The following LMBRD1 variants were observed in gnomAD, a reference collection of about 807,000 sequenced individuals.
The protein encoded by LMBRD1 is lysosomal cobalamin transport escort protein LMBD1.
LMBRD1 carries 64 observed loss-of-function variants against 74.8 expected under a neutral mutation model. That is an observed-to-expected ratio of 0.86 (90% CI 0.70 to 1.05). The LOEUF (loss-of-function observed/expected upper bound fraction) is 1.05, where lower values mean the gene tolerates loss of function less well. LMBRD1 is among the 50% of genes least tolerant of loss of function. The pLI is 0.00. For synonymous variants in LMBRD1, 204 were observed against 216.3 expected, an observed-to-expected ratio of 0.94 and a Z score of 0.50; for missense variants, 652 against 645.9, an observed-to-expected ratio of 1.01 and a Z score of -0.10.
chr6:69,767,090 T>C (rs1765487637), intron 3 of LMBRD1, among the ~76,000 whole-genome samples: 1 of 151,742 alleles, frequency 6.6e-6, no homozygotes, highest in Non-Finnish European at 1.5e-5. Context: ...TATATCCTTT[T>C]TCTCTCTCTC....
chr6:69,756,229 G>A (rs556283035), intron 3 of LMBRD1, among the ~76,000 whole-genome samples: 14 of 152,172 alleles, frequency 9.2e-5, no homozygotes, highest in African/African-American at 3.1e-4. Flanking sequence ...CAGGCATGGT[G>A]GCAAGCACCC....
At chr6:69,720,096 T>C (rs915109494) in intron 7 of LMBRD1, among the ~76,000 whole-genome samples, 1 of 152,216 alleles carries the variant, frequency 6.6e-6, no homozygotes, top group Non-Finnish European at 1.5e-5. Context: ...TATTCTTCAC[T>C]AAATCTCTTT....
At chr6:69,683,749 G>A (rs866394366) in intron 14 of LMBRD1, among the ~76,000 whole-genome samples, 7 of 151,594 alleles carry the variant, frequency 4.6e-5, no homozygotes, top group African/African-American at 1.2e-4. Context: ...CCTCATTACT[G>A]TTCTAGTATA....
intron 3 of LMBRD1, among the ~76,000 whole-genome samples, chr6:69,771,988 A>G (rs1342131918): frequency 6.6e-6 from 1 of 152,196 alleles, no homozygotes; most frequent in Non-Finnish European, 1.5e-5. Flanking sequence ...AGATTCAAGG[A>G]TGACTCTAAG....
chr6:69,790,760 T>A (rs1766064150), intron 1 of LMBRD1: 1 of 405,122 alleles, frequency 2.5e-6, no homozygotes, highest in East Asian at 5.4e-5. Flanking sequence ...GTTTCACACA[T>A]CACAGTTATA....
chr6:69,717,686 C>T (rs1047316966), intron 8 of LMBRD1, among the ~76,000 whole-genome samples: 4 of 152,086 alleles, frequency 2.6e-5, no homozygotes, highest in African/African-American at 7.2e-5. Flanking sequence ...TTTTGAATTG[C>T]TACTTTTTGT....
At chr6:69,743,766 T>C (rs1767158742) in intron 5 of LMBRD1, among the ~76,000 whole-genome samples, 2 of 152,334 alleles carry the variant, frequency 1.3e-5, no homozygotes, top group Admixed American at 1.3e-4. Context: ...GCAAAGGCAC[T>C]AATTAATCAA....
At chr6:69,729,862 AG>A (rs1486264502) in intron 7 of LMBRD1, among the ~76,000 whole-genome samples, 4 of 152,046 alleles carry the variant, frequency 2.6e-5, no homozygotes, top group Non-Finnish European at 5.9e-5. Flanking sequence ...TACAATATTT[AG>A]ATTATGATAA....
chr6:69,676,632 A>G, intron 14 of LMBRD1, 91 bp from the exon 15 acceptor site: 1 of 999,950 alleles, frequency 1.0e-6, no homozygotes, highest in East Asian at 2.6e-5. Context: ...AACCAAAGCT[A>G]ATGACTAAGA....
chr6:69,796,966 C>A lies in LMBRD1; in HGVS notation c.-85G>T, dbSNP rs1311551600. On this transcript the variant is annotated 5_prime_UTR_variant, in exon 1 of 16. Transcript: ENST00000649934. Reference sequence around the variant, plus strand: ...GGGAGAGAGCGCGAGATATACTGCACCCGCGCACCCTAAAGGTTAAAGGGG... The same window carrying A: ...GGGAGAGAGCGCGAGATATACTGCAACCGCGCACCCTAAAGGTTAAAGGGG... The A allele has an allele frequency of 2.6e-6, 3 of 1,165,104 alleles. No homozygotes were observed. The highest frequency in any genetic ancestry group is 3.0e-5 in the African/African-American group (2 of 66,054). The allele number at this position is 1,165,104 out of a possible 1,614,324, so 72.2% of individuals were successfully genotyped here.
chr6:69,702,090 T>C lies in LMBRD1; in HGVS notation c.916-137A>G, dbSNP rs528445383. 4.7e-6 allele frequency: 3 copies of C among 635,666 alleles called. No individual in the cohort carries two copies. In the Admixed American group the frequency reaches 7.8e-5, roughly 17 times the overall value. The allele number at this position is 635,666 out of a possible 1,614,324, so 39.4% of individuals were successfully genotyped here. ...CAATCTAAGATACATTTTAACTTAG[T>C]ATACAATTCCAGGCATTTATACCTG... On this transcript the variant is annotated intron_variant, in intron 9 of 15. Coordinates refer to ENST00000649934, the MANE Select transcript of LMBRD1 (RefSeq NM_018368.4).
At chr6:69,696,977 AATACT>A (rs1766016451) in intron 14 of LMBRD1, among the ~76,000 whole-genome samples, 1 of 151,954 alleles carries the variant, frequency 6.6e-6, no homozygotes. Flanking sequence ...CCTTAATAAG[AATACT>A]ATAACATTCA....
chr6:69,680,770 T>C (rs915760003), intron 14 of LMBRD1, among the ~76,000 whole-genome samples: 10 of 152,102 alleles, frequency 6.6e-5, no homozygotes, highest in African/African-American at 2.4e-4. Context: ...GATATACCCA[T>C]ATAAAAATTT....
intron 8 of LMBRD1, among the ~76,000 whole-genome samples, chr6:69,715,708 A>T (rs985239705): frequency 3.3e-5 from 5 of 152,132 alleles, no homozygotes; most frequent in Non-Finnish European, 5.9e-5. Context: ...ACACACGTAC[A>T]CATATACAAA....
chr6:69,729,194 T>C (rs1317520291), intron 7 of LMBRD1, among the ~76,000 whole-genome samples: 3 of 147,250 alleles, frequency 2.0e-5, no homozygotes, highest in East Asian at 3.9e-4. Flanking sequence ...TTTTATTCCA[T>C]GTAGTGCCCT....
chr6:69,737,107 C>T (rs778694167), intron 7 of LMBRD1, among the ~76,000 whole-genome samples: 1 of 152,046 alleles, frequency 6.6e-6, no homozygotes, highest in Non-Finnish European at 1.5e-5. Flanking sequence ...ATAGCCATTT[C>T]CTTTATGTCT....
At chr6:69,781,728 C>A (rs751991219) in intron 2 of LMBRD1, among the ~76,000 whole-genome samples, 32 of 151,964 alleles carry the variant, frequency 2.1e-4, no homozygotes, top group Non-Finnish European at 3.8e-4. Flanking sequence ...TTTATGTTAA[C>A]CATATAAAAA....
rs543601753 is a variant in LMBRD1, at chr6:69,759,597, C to T, written c.308-7241G>A. Among the ~76,000 whole-genome samples, 10 of 152,022 alleles carry T rather than the reference C, an allele frequency of 6.6e-5. No individual in the cohort carries two copies. In the East Asian group the frequency reaches 1.9e-3, roughly 29 times the overall value. ...GAATAAACCAAAACAAACAAAAAAGCTTTATATGATATCTTATAGATACTT... is the reference window on the plus strand; with the variant it reads ...GAATAAACCAAAACAAACAAAAAAGTTTTATATGATATCTTATAGATACTT... On this transcript the variant is annotated intron_variant, in intron 3 of 15. Transcript: ENST00000649934.
intron 3 of LMBRD1, among the ~76,000 whole-genome samples, chr6:69,765,340 T>C (rs193286013): frequency 6.6e-6 from 1 of 152,308 alleles, no homozygotes; most frequent in African/African-American, 2.4e-5. Flanking sequence ...CATATAATAG[T>C]CCAACTTTCC....
Sources: allele counts gnomAD v4.1 joint callset (sites outside exome capture counted in the v4.1 genomes callset), GRCh38; gene constraint gnomAD v4.1.1; transcripts MANE v1.5; gene names NCBI Gene and HGNC (gene_info 2026-07-23, HGNC 2026-07-21).